Variants in TTK observed in about 807,000 individuals in gnomAD.
TTK encodes the protein dual specificity protein kinase TTK.
TTK carries 59 observed loss-of-function variants against 117.3 expected under a neutral mutation model. That is an observed-to-expected ratio of 0.50 (90% CI 0.41 to 0.62). The LOEUF is 0.62. Ranked by LOEUF, TTK falls within the 20% of genes least tolerant of loss-of-function variation. TTK has a pLI of 0.00. For synonymous variants in TTK, 302 were observed against 325.0 expected, an observed-to-expected ratio of 0.93 and a Z score of 0.76; for missense variants, 921 against 989.4, an observed-to-expected ratio of 0.93 and a Z score of 0.93.
At chr6:80,025,775 G>A (rs1023721724) in intron 11 of TTK, among the ~76,000 whole-genome samples, 2 of 151,964 alleles carry the variant, frequency 1.3e-5, no homozygotes, top group African/African-American at 2.4e-5. Flanking sequence ...GCCTGAGCCT[G>A]TAGGCTGTAA....
intron 17 of TTK, 68 bp downstream of exon 17, chr6:80,036,667 G>A (rs934805324): frequency 6.9e-7 from 1 of 1,453,944 alleles, no homozygotes; most frequent in Non-Finnish European, 9.2e-7. Context: ...GTATTATATT[G>A]CAAATGAGTG....
At chr6:80,027,631 T>A (rs1033290717) in intron 12 of TTK, among the ~76,000 whole-genome samples, 3 of 152,226 alleles carry the variant, frequency 2.0e-5, no homozygotes, top group African/African-American at 7.2e-5. Flanking sequence ...AACCACTTTG[T>A]ATTTTAAATG....
At chr6:80,016,875 C>A (rs113280218) in intron 10 of TTK, among the ~76,000 whole-genome samples, 173 of 152,246 alleles carry the variant, frequency 1.1e-3, no homozygotes, top group Non-Finnish European at 1.9e-3. Context: ...ATTGGCAAGA[C>A]AAAGGAGAGA....
chr6:80,012,855 A>T (rs1281766479), intron 8 of TTK, among the ~76,000 whole-genome samples: 1 of 150,908 alleles, frequency 6.6e-6, no homozygotes, highest in Non-Finnish European at 1.5e-5. Flanking sequence ...AATTAAAAAC[A>T]AAAACAGAAA....
chr6:80,018,820 TAG>T (rs1767383902), intron 10 of TTK, among the ~76,000 whole-genome samples: 2 of 152,140 alleles, frequency 1.3e-5, no homozygotes, highest in South Asian at 4.1e-4. Context: ...ATCATTACTG[TAG>T]AGTTTTGTCC....
chr6:80,040,153 A>T lies in TTK; in HGVS notation c.2308-43A>T, dbSNP rs774938527. 10 of 1,453,292 alleles carry T rather than the reference A, an allele frequency of 6.9e-6. No homozygotes were observed. The African/African-American group carries it at 1.5e-4, about 21-fold the overall frequency. 90.0% of individuals were successfully genotyped at this position (1,453,292 alleles called of 1,614,324 possible). A position where few individuals can be genotyped will look rare whatever the true frequency, so the allele number is the denominator to read the frequency against. ...AATACTTTATCAATATCATATATGAAAACCTGCTTTGTTTTTCTTTTAAAA... is the reference window on the plus strand; with the variant it reads ...AATACTTTATCAATATCATATATGATAACCTGCTTTGTTTTTCTTTTAAAA... On this transcript the variant is annotated intron_variant, in intron 19 of 21. Transcript: ENST00000369798.
intron 11 of TTK, among the ~76,000 whole-genome samples, chr6:80,022,769 A>G (rs187468662): frequency 1.4e-3 from 218 of 152,316 alleles, no homozygotes; most frequent in Non-Finnish European, 1.2e-4. Context: ...TGGAACACTG[A>G]CACACTCATT....
At chr6:80,019,547 A>G (rs1767402777) in intron 10 of TTK, among the ~76,000 whole-genome samples, 1 of 152,202 alleles carries the variant, frequency 6.6e-6, no homozygotes, top group Non-Finnish European at 1.5e-5. Flanking sequence ...AAGTTTTTCT[A>G]GATTACTTCT....
intron 10 of TTK, 70 bp downstream of exon 10, chr6:80,014,656 A>G: frequency 7.0e-7 from 1 of 1,421,560 alleles, no homozygotes; most frequent in Non-Finnish European, 9.4e-7. Flanking sequence ...AAGAAAGCAG[A>G]CTAGCCACCT....
chr6:80,042,082 A>C, intron 21 of TTK, 37 bp from the exon 22 acceptor site: 1 of 1,443,038 alleles, frequency 6.9e-7, no homozygotes, highest in Non-Finnish European at 9.4e-7. Context: ...CATTTAACTA[A>C]AAAATTGCAA....
chr6:80,011,576 G>T, intron 6 of TTK, 28 bp downstream of exon 6: 1 of 1,579,202 alleles, frequency 6.3e-7, no homozygotes, highest in Non-Finnish European at 8.6e-7. Flanking sequence ...GTTTTTAAAT[G>T]TTCATCTTCT....
At chr6:80,026,567 A>T (rs1264651387) in intron 12 of TTK, 53 bp downstream of exon 12, 10 of 1,605,524 alleles carry the variant, frequency 6.2e-6, no homozygotes, top group Non-Finnish European at 6.8e-6. Context: ...TAGAATTAAC[A>T]TGGGCTTCTG....
rs569440522 is a variant in TTK, at chr6:80,010,520, T to G, written c.470-294T>G. Reference sequence around the variant, plus strand: ...CCTGTTGGTAACTGCTTTGTTACACTTCTGTTACTTCTGAAAGTGGACAGT... The same window carrying G: ...CCTGTTGGTAACTGCTTTGTTACACGTCTGTTACTTCTGAAAGTGGACAGT... On this transcript the variant is annotated intron_variant, in intron 4 of 21. Transcript: ENST00000369798. Among the ~76,000 whole-genome samples, 3 of 151,242 alleles carry G rather than the reference T, an allele frequency of 2.0e-5. No individual in the cohort carries two copies. In the South Asian group the frequency reaches 6.3e-4, roughly 32 times the overall value.
Position 80,011,976 on chromosome 6 carries a change from A to G in TTK, c.892A>G (p.Lys298Glu), listed in dbSNP as rs771514849. The G allele has an allele frequency of 1.9e-6, 3 of 1,606,358 alleles. No homozygotes were observed. The East Asian group carries it at 6.7e-5, about 36-fold the overall frequency. Residue 298 changes from lysine to glutamate, a missense_variant, in exon 8 of 22, where the codon AAA becomes GAA. Coordinates refer to ENST00000369798, the MANE Select transcript of TTK (RefSeq NM_003318.5). ...TDDSVVPCFM[K>E]RQTSRSECRD... is the part of the protein sequence containing the mutation. The stretch of plus-strand genomic sequence containing the variant: ...TGATTCAGTTGTACCTTGTTTTATG[A>G]AAAGGTATGTTGAGTTTTAATTTTT...
chr6:80,042,219 A>G lies in TTK; in HGVS notation c.*17A>G. ...AAAAAATGATTTGCAGTTATTCGTA[A>G]TGTCAGATACCACCTATAAAATATA... On this transcript the variant is annotated 3_prime_UTR_variant, in exon 22 of 22. Transcript: ENST00000369798. 1 of 1,559,170 alleles carries G rather than the reference A, an allele frequency of 6.4e-7. No individual in the cohort carries two copies. Among genetic ancestry groups the G allele is most frequent in the South Asian group, 1.2e-5 (1 of 86,462 alleles).
chr6:80,007,832 A>C lies in TTK; in HGVS notation c.163A>C (p.Ile55Leu). 1 of 1,611,962 alleles carries C rather than the reference A, an allele frequency of 6.2e-7. No homozygotes were observed. The highest frequency in any genetic ancestry group is 8.5e-7 in the Non-Finnish European group (1 of 1,178,878). Residue 55 changes from isoleucine to leucine, a missense_variant, in exon 3 of 22, where the codon ATT becomes CTT. Physicochemically the swap from Ile to Leu is conservative, Grantham distance 5 (BLOSUM62 2). Transcript: ENST00000369798. ...TTDNSGTVNQIMMMANNPEDW... is the reference protein window; with the variant it reads ...TTDNSGTVNQLMMMANNPEDW... ...AGATAACTCGGGAACTGTTAACCAA[A>C]TTATGATGATGGCAAACAACCCAGA...
chr6:80,006,044 A>G, intron 2 of TTK, 62 bp downstream of exon 2: 1 of 1,546,350 alleles, frequency 6.5e-7, no homozygotes. Flanking sequence ...AGGTAAAGAT[A>G]TAGTACTAAT....
chr6:80,013,082 C>T (rs1177110117), intron 8 of TTK, among the ~76,000 whole-genome samples, 197 bp from the exon 9 acceptor site: 1 of 152,038 alleles, frequency 6.6e-6, no homozygotes, highest in African/African-American at 2.4e-5. Flanking sequence ...TCACTTTTGT[C>T]ATTGCCCAGC....
intron 10 of TTK, among the ~76,000 whole-genome samples, chr6:80,018,936 A>G (rs1767387908): frequency 6.6e-6 from 1 of 152,056 alleles, no homozygotes; most frequent in Non-Finnish European, 1.5e-5. Context: ...TTTTTTCTGC[A>G]TCTATTTAGT....
Sources: gnomAD v4.1 joint callset for allele counts (sites outside exome capture counted in the v4.1 genomes callset) on GRCh38, gnomAD v4.1.1 for gene constraint, MANE v1.5 for transcripts, NCBI Gene and HGNC (gene_info 2026-07-23, HGNC 2026-07-21) for gene names.